The following TFAP2A variants were observed in gnomAD, a reference collection of about 807,000 sequenced individuals.
The protein encoded by TFAP2A is transcription factor AP-2 alpha.
TFAP2A carries 7 observed loss-of-function variants against 41.5 expected under a neutral mutation model. The ratio of observed to expected loss-of-function variants is 0.17; its 90% confidence interval spans 0.10 to 0.32. The LOEUF is 0.32. TFAP2A is among the 10% of genes least tolerant of loss of function. TFAP2A has a pLI of 1.00. For missense variants in TFAP2A, 416 were observed against 563.3 expected, an observed-to-expected ratio of 0.74 and a Z score of 2.65; for synonymous variants, 247 against 242.8, an observed-to-expected ratio of 1.02 and a Z score of -0.16.
rs1346245005 is a variant in TFAP2A, at chr6:10,398,242, G to A, written c.*175C>T. ...GAGAGGCTGCCCCACTGACAGTCGA[G>A]AGGGCAGTCCCGGAGACTCGGGGGG... On this transcript the variant is annotated 3_prime_UTR_variant, in exon 7 of 7. Coordinates refer to ENST00000379613, the MANE Select transcript of TFAP2A (RefSeq NM_001372066.1). This position sits in a 1 kb window ranked among gnomAD's most constrained non-coding sequence, Gnocchi z 5.3. 3 of 1,506,580 alleles carry A rather than the reference G, an allele frequency of 2.0e-6. No homozygotes were observed. The highest frequency in any genetic ancestry group is 1.4e-5 in the African/African-American group (1 of 72,958). 93.3% of individuals were successfully genotyped at this position (1,506,580 alleles called of 1,614,324 possible). A position where few individuals can be genotyped will look rare whatever the true frequency, so the allele number is the denominator to read the frequency against.
Position 10,414,183 on chromosome 6 carries a change from G to A in TFAP2A, c.51+758C>T, listed in dbSNP as rs535142029. On this transcript the variant is annotated intron_variant, in intron 1 of 6. Transcript: ENST00000379613. ...GTCGTTCTGGGCTGGTGCAGAAGCT[G>A]GTGCTCCCGCACCCAGCGGCCAGCA... is the stretch of plus-strand genomic sequence containing the variant. Among the ~76,000 whole-genome samples the A allele has an allele frequency of 2.6e-5, 4 of 152,338 alleles. No individual in the cohort carries two copies. In the East Asian group the frequency reaches 7.7e-4, roughly 29 times the overall value.
chr6:10,405,345 T>A (rs553406604), intron 3 of TFAP2A: 5 of 152,354 alleles, frequency 3.3e-5, no homozygotes, highest in Non-Finnish European at 7.3e-5. Context: ...TTTTGATAAA[T>A]AGGCCCTTTC....
chr6:10,398,172 A>C lies in TFAP2A; in HGVS notation c.*245T>G. ...TCTCTTAGGCTCCACATGAGGGCACAGGGGTGTGGGAGCGGGTGGGGAGGT... is the reference window on the plus strand; with the variant it reads ...TCTCTTAGGCTCCACATGAGGGCACCGGGGTGTGGGAGCGGGTGGGGAGGT... On this transcript the variant is annotated 3_prime_UTR_variant, in exon 7 of 7. Transcript: ENST00000379613. This position sits in a 1 kb window ranked among gnomAD's most constrained non-coding sequence, Gnocchi z 5.3. 3 of 1,433,372 alleles carry C rather than the reference A, an allele frequency of 2.1e-6. No individual in the cohort carries two copies. Among genetic ancestry groups the C allele is most frequent in the Non-Finnish European group, 2.7e-6 (3 of 1,097,242 alleles). The allele number at this position is 1,433,372 out of a possible 1,614,324, so 88.8% of individuals were successfully genotyped here.
At position 10,404,702 on chromosome 6, in the gene TFAP2A, G is replaced by A; in HGVS notation, c.576C>T (p.Val192=). ...VSLSKSNSNA[V]SAIPINKDNL... is the part of the protein sequence containing the mutation. Reference sequence around the variant, plus strand: ...TGTCCTTGTTAATAGGGATGGCGGAGACGGCATTGCTGTTGGACTTGGACA... The same window carrying A: ...TGTCCTTGTTAATAGGGATGGCGGAAACGGCATTGCTGTTGGACTTGGACA... Residue 192 remains valine, a synonymous_variant, in exon 4 of 7, where the codon GTC becomes GTT. Coordinates refer to ENST00000379613, the MANE Select transcript of TFAP2A (RefSeq NM_001372066.1). 1 of 1,614,208 alleles carries A rather than the reference G, an allele frequency of 6.2e-7. No individual in the cohort carries two copies. Among genetic ancestry groups the A allele is most frequent in the Non-Finnish European group, 8.5e-7 (1 of 1,180,020 alleles).
chr6:10,398,849 A>G lies in TFAP2A; in HGVS notation c.1032-144T>C. 1 of 921,162 alleles carries G rather than the reference A, an allele frequency of 1.1e-6. No homozygotes were observed. Among genetic ancestry groups the G allele is most frequent in the Non-Finnish European group, 1.6e-6 (1 of 620,344 alleles). The allele number at this position is 921,162 out of a possible 1,614,324, so 57.1% of individuals were successfully genotyped here. The stretch of plus-strand genomic sequence containing the variant: ...ATGACCCAAGACCCCAGAGACAGAC[A>G]GTGTGGCCACATGTTGGGAGATCCA... On this transcript the variant is annotated intron_variant, in intron 6 of 6. Transcript: ENST00000379613. The surrounding 1 kb of genome is among the most constrained non-coding windows in gnomAD (Gnocchi z 5.3).
intron 6 of TFAP2A, among the ~76,000 whole-genome samples, chr6:10,399,285 A>C (rs1319984404): frequency 6.6e-6 from 1 of 152,240 alleles, no homozygotes; most frequent in African/African-American, 2.4e-5. Context: ...ATAACAAAAA[A>C]ACAAAACGGG....
chr6:10,418,912 T>G (rs1758334766), upstream of TFAP2A, among the ~76,000 whole-genome samples: 4 of 152,032 alleles, frequency 2.6e-5, no homozygotes, highest in Non-Finnish European at 5.9e-5. Context: ...TCACACATCC[T>G]AGATCTCCCG....
At chr6:10,419,057 TC>T (rs1758340187), upstream of TFAP2A, among the ~76,000 whole-genome samples, 1 of 150,650 alleles carries the variant, frequency 6.6e-6, no homozygotes, top group Admixed American at 6.6e-5. Context: ...GCCTTCTCCC[TC>T]CCCCCTTCCG....
At chr6:10,403,501 A>G (rs1250082469) in intron 4 of TFAP2A, among the ~76,000 whole-genome samples, 2 of 152,236 alleles carry the variant, frequency 1.3e-5, no homozygotes, top group African/African-American at 4.8e-5. Flanking sequence ...AATGATCTTT[A>G]TAGGCTTTGT....
In TFAP2A at chr6:10,406,534, G is replaced by A. The variant is rs927648389; in HGVS notation, c.538+259C>T. On this transcript the variant is annotated intron_variant, in intron 3 of 6. Transcript: ENST00000379613. ...CCACTTCCAAATCAGTTCAACTACTGTACATTTTGTGTGTTTGTCCAAATA... is the reference window on the plus strand; with the variant it reads ...CCACTTCCAAATCAGTTCAACTACTATACATTTTGTGTGTTTGTCCAAATA... 1.5e-5 allele frequency: 8 copies of A among 537,384 alleles called. No individual in the cohort carries two copies. The African/African-American group carries it at 1.5e-4, about 10-fold the overall frequency. 33.3% of individuals were successfully genotyped at this position (537,384 alleles called of 1,614,324 possible). A position where few individuals can be genotyped will look rare whatever the true frequency, so the allele number is the denominator to read the frequency against.
chr6:10,412,630 C>G (rs1299931510), intron 1 of TFAP2A: 5 of 273,522 alleles, frequency 1.8e-5, no homozygotes, highest in South Asian at 1.4e-4. Context: ...TCGTGCGTAG[C>G]GGGTAGGAGC....
chr6:10,410,266 A>G lies in TFAP2A; in HGVS notation c.121T>C (p.Tyr41His). The G allele has an allele frequency of 6.2e-7, 1 of 1,613,356 alleles. No individual in the cohort carries two copies. The highest frequency in any genetic ancestry group is 8.5e-7 in the Non-Finnish European group (1 of 1,179,862). The change falls in exon 2 of 7, where the codon TAC becomes CAC. Residue 41 changes from tyrosine to histidine, a missense_variant. Transcript: ENST00000379613. ...PQLGTVGQSP[Y>H]TSAPPLSHTP... ...TGGGACAGCGGCGGGGCGCTCGTGT[A>G]GGGAGATTGACCTACAGTGCCCAGC... is the stretch of plus-strand genomic sequence containing the variant.
Position 10,406,797 on chromosome 6 carries a change from C to T in TFAP2A, c.534G>A (p.Lys178=), listed in dbSNP as rs559183946. 21 of 1,613,112 alleles carry T rather than the reference C, an allele frequency of 1.3e-5. 1 individual carries two copies. The highest frequency in any genetic ancestry group is 1.7e-5 in the Non-Finnish European group (20 of 1,179,196). The change falls in exon 3 of 7, where the codon AAG becomes AAA. Residue 178 remains lysine (K), a synonymous_variant. Transcript: ENST00000379613. The part of the protein sequence containing the change: ...GINIPDQTVI[K]KGPVSLSKSN... ...ATGCAGAAGGAAATGGCTTACCTTT[C>T]TTAATTACAGTTTGATCTGGGATGT...
intron 1 of TFAP2A, chr6:10,411,824 G>T: frequency 7.0e-7 from 1 of 1,430,034 alleles, no homozygotes; most frequent in Non-Finnish European, 9.2e-7. Context: ...TCGAACCCAC[G>T]GTCTCTATCC....
chr6:10,414,946 A>C lies in TFAP2A; in HGVS notation c.46T>G (p.Cys16Gly). The C allele has an allele frequency of 6.2e-7, 1 of 1,613,940 alleles. No homozygotes were observed. The highest frequency in any genetic ancestry group is 8.5e-7 in the Non-Finnish European group (1 of 1,179,986). Residue 16 changes from cysteine (C) to glycine (G), a missense_variant, in exon 1 of 7, where the codon TGC becomes GGC. Physicochemically the swap from Cys to Gly is radical, Grantham distance 159. Coordinates refer to ENST00000379613, the MANE Select transcript of TFAP2A (RefSeq NM_001372066.1). ...KLTDNIKYED[C>G]EDRHDGTSNG... ...CGAGCCGGCGTCGCGCTTACCTCGC[A>C]GTCCTCGTACTTGATATTATCCGTC...
intron 2 of TFAP2A, 69 bp downstream of exon 2, chr6:10,409,832 A>G (rs1203690985): frequency 6.6e-7 from 1 of 1,514,120 alleles, no homozygotes; most frequent in Non-Finnish European, 8.9e-7. Flanking sequence ...TGTATGTTCC[A>G]GGTATCCTTT....
intron 6 of TFAP2A, among the ~76,000 whole-genome samples, chr6:10,399,559 A>T (rs1188258072): frequency 6.6e-6 from 1 of 152,176 alleles, no homozygotes; most frequent in Non-Finnish European, 1.5e-5. Context: ...GGGCAGCAGC[A>T]GCCTGGCCTG....
intron 2 of TFAP2A, 40 bp downstream of exon 2, chr6:10,409,861 G>A: frequency 1.9e-6 from 3 of 1,545,580 alleles, no homozygotes; most frequent in Non-Finnish European, 2.6e-6. Context: ...GGTAAGTAGG[G>A]GGCTGTGTTC....
upstream of TFAP2A, chr6:10,418,454 C>T (rs976256801): frequency 6.6e-6 from 1 of 152,254 alleles, no homozygotes; most frequent in African/African-American, 2.4e-5. Context: ...TCACCCTCAC[C>T]AGGCCTCTTG....
Sources: gnomAD v4.1 joint callset for allele counts (sites outside exome capture counted in the v4.1 genomes callset) on GRCh38, gnomAD v4.1.1 for gene constraint, Gnocchi (gnomAD v3.1) non-coding constraint, MANE v1.5 for transcripts, NCBI Gene and HGNC (gene_info 2026-07-23, HGNC 2026-07-21) for gene names.